HMGA1: variants seen among roughly 807,000 people sequenced by gnomAD.
HMGA1 encodes high mobility group AT-hook 1.
Under a neutral mutation model 15.1 loss-of-function variants are expected in HMGA1, and 1 was observed. The observed-to-expected ratio is 0.07, with a 90% CI of 0.02 to 0.31. The LOEUF (loss-of-function observed/expected upper bound fraction) is 0.31. HMGA1 is among the 10% of genes least tolerant of loss of function. The probability of loss-of-function intolerance (pLI) is 1.00; values close to 1 mark genes in which losing one functional copy is unlikely to be tolerated. For missense variants in HMGA1, 94 were observed against 141.4 expected, an observed-to-expected ratio of 0.66 and a Z score of 1.70; for synonymous variants, 56 against 54.8, an observed-to-expected ratio of 1.02 and a Z score of -0.10.
chr6:34,237,712 CGGGTGA>C (rs1031002662), intron 2 of HMGA1, among the ~76,000 whole-genome samples: 7 of 151,090 alleles, frequency 4.6e-5, no homozygotes, highest in East Asian at 2.0e-4. Context: ...AGCCCGGGCC[CGGGTGA>C]GGGGCGGGGA....
intron 3 of HMGA1, among the ~76,000 whole-genome samples, chr6:34,242,055 A>C (rs185116839): frequency 1.3e-5 from 2 of 152,332 alleles, no homozygotes; most frequent in East Asian, 3.9e-4. Context: ...CCTAGGAAAC[A>C]GTAGCTGGCG....
rs756668884 is a variant in HMGA1, at chr6:34,245,517, G to A, written c.*633G>A. The A allele has an allele frequency of 2.4e-5, 33 of 1,382,394 alleles. No individual in the cohort carries two copies. The highest frequency in any genetic ancestry group is 5.7e-5 in the African/African-American group (4 of 69,604). The allele number at this position is 1,382,394 out of a possible 1,614,324, so 85.6% of individuals were successfully genotyped here. ...CGTACTAGGTTGGACAGCCCCCTTCGGTTACAGGAAGGCAGGAGGGGTGAG... is the reference window on the plus strand; with the variant it reads ...CGTACTAGGTTGGACAGCCCCCTTCAGTTACAGGAAGGCAGGAGGGGTGAG... On this transcript the variant is annotated 3_prime_UTR_variant, in exon 6 of 6. Coordinates refer to ENST00000311487, the MANE Select transcript of HMGA1 (RefSeq NM_145899.3).
rs890870444 is a variant in HMGA1, at chr6:34,245,538, G to A, written c.*654G>A. 29 of 1,381,694 alleles carry A rather than the reference G, an allele frequency of 2.1e-5. No homozygotes were observed. The highest frequency in any genetic ancestry group is 2.7e-5 in the Non-Finnish European group (28 of 1,036,408). The allele number at this position is 1,381,694 out of a possible 1,614,324, so 85.6% of individuals were successfully genotyped here. A position where few individuals can be genotyped will look rare whatever the true frequency, so the allele number is the denominator to read the frequency against. On this transcript the variant is annotated 3_prime_UTR_variant, in exon 6 of 6. Transcript: ENST00000311487. Reference sequence around the variant, plus strand: ...CTTCGGTTACAGGAAGGCAGGAGGGGTGAGTCCCCTACTCCCTCTTCACTG... The same window carrying A: ...CTTCGGTTACAGGAAGGCAGGAGGGATGAGTCCCCTACTCCCTCTTCACTG...
At chr6:34,237,805 G>A (rs890670582) in intron 2 of HMGA1, among the ~76,000 whole-genome samples, 9 of 151,784 alleles carry the variant, frequency 5.9e-5, no homozygotes, top group African/African-American at 1.9e-4. Flanking sequence ...TGGAAGTGAG[G>A]GAGATGGGGA....
In HMGA1 at chr6:34,245,334, C is replaced by T. The variant is rs949991297; in HGVS notation, c.*450C>T. 4.4e-6 allele frequency: 6 copies of T among 1,366,032 alleles called. No individual in the cohort carries two copies. The highest frequency in any genetic ancestry group is 1.4e-5 in the African/African-American group (1 of 69,600). 84.6% of individuals were successfully genotyped at this position (1,366,032 alleles called of 1,614,324 possible). A position where few individuals can be genotyped will look rare whatever the true frequency, so the allele number is the denominator to read the frequency against. ...GGTTCCCCTGGCCTTAAAAGGGGCC[C>T]AAGCCCCATCTCATCCTGGCACGCC... is the stretch of plus-strand genomic sequence containing the variant. On this transcript the variant is annotated 3_prime_UTR_variant, in exon 6 of 6. Transcript: ENST00000311487.
In HMGA1 at chr6:34,243,535, A is replaced by T. The variant is rs1356101929; in HGVS notation, c.270+17A>T. ...AAAAAACTGGTAGGTGAAGAAGCAG[A>T]CTGCTGCTTGCCTCCTGGGCTCTTT... On this transcript the variant is annotated intron_variant, in intron 5 of 5. Transcript: ENST00000311487. 6.3e-7 allele frequency: 1 copy of T among 1,596,986 alleles called. No homozygotes were observed. The highest frequency in any genetic ancestry group is 1.1e-5 in the South Asian group (1 of 90,150).
intron 3 of HMGA1, among the ~76,000 whole-genome samples, chr6:34,241,732 TC>T (rs1762326241): frequency 6.6e-6 from 1 of 152,212 alleles, no homozygotes; most frequent in Non-Finnish European, 1.5e-5. Context: ...CCCAGTTACT[TC>T]CCTTCCCTGG....
rs1331910863 is a variant in HMGA1 at position 34,245,606 on chromosome 6, A to G, written c.*722A>G. On this transcript the variant is annotated 3_prime_UTR_variant, in exon 6 of 6. Transcript: ENST00000311487. The stretch of plus-strand genomic sequence containing the variant: ...CCCTCCGCCTGGGATCTGAGTACAT[A>G]TTGTGGTGATGGAGATGCAGTCACT... The G allele has an allele frequency of 2.9e-6, 4 of 1,380,398 alleles. No individual in the cohort carries two copies. Among genetic ancestry groups the G allele is most frequent in the South Asian group, 1.2e-5 (1 of 81,448 alleles). The allele number at this position is 1,380,398 out of a possible 1,614,324, so 85.5% of individuals were successfully genotyped here. A position where few individuals can be genotyped will look rare whatever the true frequency, so the allele number is the denominator to read the frequency against.
chr6:34,243,628 C>A, intron 5 of HMGA1, 110 bp downstream of exon 5: 1 of 902,244 alleles, frequency 1.1e-6, no homozygotes. Flanking sequence ...TCTCCTTGAC[C>A]TGCTGGGACA....
At position 34,245,333 on chromosome 6, in the gene HMGA1, C is replaced by T. The variant is rs1412156502; in HGVS notation, c.*449C>T. The T allele has an allele frequency of 7.3e-6, 10 of 1,366,648 alleles. No homozygotes were observed. Among genetic ancestry groups the T allele is most frequent in the African/African-American group, 2.9e-5 (2 of 69,732 alleles). The allele number at this position is 1,366,648 out of a possible 1,614,324, so 84.7% of individuals were successfully genotyped here. A position where few individuals can be genotyped will look rare whatever the true frequency, so the allele number is the denominator to read the frequency against. On this transcript the variant is annotated 3_prime_UTR_variant, in exon 6 of 6. Transcript: ENST00000311487. ...GGGTTCCCCTGGCCTTAAAAGGGGC[C>T]CAAGCCCCATCTCATCCTGGCACGC...
At chr6:34,242,224 A>AG (rs1762369071) in intron 3 of HMGA1, among the ~76,000 whole-genome samples, 1 of 152,190 alleles carries the variant, frequency 6.6e-6, no homozygotes, top group Non-Finnish European at 1.5e-5. Context: ...TTGCAAGTGC[A>AG]GGCAGGGAGT....
intron 2 of HMGA1, 176 bp from the exon 3 acceptor site, chr6:34,240,561 C>G: frequency 1.7e-6 from 1 of 583,468 alleles, no homozygotes; most frequent in Non-Finnish European, 3.1e-6. Flanking sequence ...AACGGCCCTT[C>G]CCCGCCCTTG....
chr6:34,240,589 G>T, intron 2 of HMGA1, 148 bp from the exon 3 acceptor site: 1 of 666,054 alleles, frequency 1.5e-6, no homozygotes, highest in Non-Finnish European at 2.6e-6. Context: ...CTGGGGGTGG[G>T]CAGACCCCTC....
In HMGA1 at chr6:34,240,792, G is replaced by A. The variant is rs371338964; in HGVS notation, c.12G>A (p.Ser4=). The change falls in exon 3 of 6, where the codon TCG becomes TCA. Residue 4 remains serine, a synonymous_variant. Coordinates refer to ENST00000311487, the MANE Select transcript of HMGA1 (RefSeq NM_145899.3). The part of the protein sequence containing the change: MSE[S]SSKSSQPLAS... ...TTAGAGAAGGGAAGATGAGTGAGTC[G>A]AGCTCGAAGTCCAGCCAGCCCTTGG... 5.8e-5 allele frequency: 93 copies of A among 1,612,422 alleles called. No individual in the cohort carries two copies. Among genetic ancestry groups the A allele is most frequent in the Non-Finnish European group, 7.3e-5 (86 of 1,179,892 alleles).
chr6:34,245,405 G>T lies in HMGA1; in HGVS notation c.*521G>T, dbSNP rs1289356876. 1 of 1,358,498 alleles carries T rather than the reference G, an allele frequency of 7.4e-7. No individual in the cohort carries two copies. Among genetic ancestry groups the T allele is most frequent in the Non-Finnish European group, 9.7e-7 (1 of 1,031,876 alleles). The allele number at this position is 1,358,498 out of a possible 1,614,324, so 84.2% of individuals were successfully genotyped here. On this transcript the variant is annotated 3_prime_UTR_variant, in exon 6 of 6. Transcript: ENST00000311487. ...CAGCAGGTGTGGCCAATGGAGGGGG[G>T]TGCTGGCCCCCAGGATTCCCCCAGC...
chr6:34,244,012 C>T (rs574693895), intron 5 of HMGA1, among the ~76,000 whole-genome samples: 6 of 152,092 alleles, frequency 3.9e-5, no homozygotes, highest in South Asian at 4.1e-4. Context: ...GGTCCCCAAA[C>T]AGCTGGTGGA....
At chr6:34,243,878 G>A (rs528993434) in intron 5 of HMGA1, among the ~76,000 whole-genome samples, 2 of 152,282 alleles carry the variant, frequency 1.3e-5, no homozygotes, top group East Asian at 3.9e-4. Context: ...ATAGGGGGAA[G>A]GTTTGTCCTT....
At chr6:34,244,050 T>C (rs1042546194) in intron 5 of HMGA1, among the ~76,000 whole-genome samples, 1 of 151,554 alleles carries the variant, frequency 6.6e-6, no homozygotes, top group Non-Finnish European at 1.5e-5. Flanking sequence ...GTCAAGAAGC[T>C]GCCTCTAGGG....
intron 5 of HMGA1, 74 bp from the exon 6 acceptor site, chr6:34,244,757 G>C (rs559018363): frequency 8.4e-5 from 106 of 1,262,758 alleles, no homozygotes; most frequent in South Asian, 2.8e-4. Flanking sequence ...TGCAGGGAGC[G>C]GGTGGGGCCA....
Sources: gnomAD v4.1 joint callset for allele counts (sites outside exome capture counted in the v4.1 genomes callset) on GRCh38, gnomAD v4.1.1 for gene constraint, MANE v1.5 for transcripts, NCBI Gene and HGNC (gene_info 2026-07-23, HGNC 2026-07-21) for gene names.